Variants in KIF1A observed in about 807,000 individuals in gnomAD.
The protein encoded by KIF1A is kinesin family member 1A.
A neutral mutation model predicts 227.3 loss-of-function variants in KIF1A; 46 were observed. That is an observed-to-expected ratio of 0.20 (90% CI 0.16 to 0.26). The LOEUF (loss-of-function observed/expected upper bound fraction) is 0.26, where lower values mean the gene tolerates loss of function less well. Ranked by LOEUF, KIF1A falls within the 10% of genes least tolerant of loss-of-function variation. KIF1A has a pLI of 1.00. For missense variants in KIF1A, 1,683 were observed against 2,485.9 expected (o/e 0.68, Z 6.87); for synonymous variants, 1,022 against 1,012.8 (o/e 1.01, Z -0.17).
At chr2:240,723,047 A>G (rs1442236486) in intron 42 of KIF1A, among the ~76,000 whole-genome samples, 5 of 151,944 alleles carry the variant, frequency 3.3e-5, no homozygotes, top group Non-Finnish European at 7.4e-5. Flanking sequence ...TCACACACAC[A>G]CTCGGCCCGA....
At chr2:240,768,138 C>A (rs2051440642) in intron 17 of KIF1A, among the ~76,000 whole-genome samples, 1 of 152,316 alleles carries the variant, frequency 6.6e-6, no homozygotes, top group East Asian at 1.9e-4. Flanking sequence ...AGAAGGGGGT[C>A]CCCAGTGGTC....
At chr2:240,746,802 G>C (rs966862229) in intron 29 of KIF1A, among the ~76,000 whole-genome samples, 1 of 152,248 alleles carries the variant, frequency 6.6e-6, no homozygotes, top group Non-Finnish European at 1.5e-5. Flanking sequence ...CTTCACATGA[G>C]GACCGCAGGT....
chr2:240,786,010 G>T (rs1165424665), intron 6 of KIF1A, among the ~76,000 whole-genome samples: 4 of 152,088 alleles, frequency 2.6e-5, no homozygotes, highest in Non-Finnish European at 4.4e-5. Flanking sequence ...CACAGAATGT[G>T]GACCCCTGGG....
chr2:240,792,779 C>T lies in KIF1A; in HGVS notation c.107-3467G>A, dbSNP rs1245640250. 3.9e-5 allele frequency among the ~76,000 whole-genome samples: 6 copies of T among 152,098 alleles called. No individual in the cohort carries two copies. The highest frequency in any genetic ancestry group is 2.1e-4 in the South Asian group (1 of 4,816). Reference sequence around the variant, plus strand: ...AAGTGATGAGGATGAGACGAAGCCACGAAGTCAGGGACCTCATGGTGGGAT... The same window carrying T: ...AAGTGATGAGGATGAGACGAAGCCATGAAGTCAGGGACCTCATGGTGGGAT... On this transcript the variant is annotated intron_variant, in intron 2 of 48. Coordinates refer to ENST00000498729, the MANE Select transcript of KIF1A (RefSeq NM_001244008.2). This position sits in a 1 kb window ranked among gnomAD's most constrained non-coding sequence, Gnocchi z 4.5.
At chr2:240,755,494 G>C (rs2049742519) in intron 27 of KIF1A, among the ~76,000 whole-genome samples, 1 of 152,218 alleles carries the variant, frequency 6.6e-6, no homozygotes, top group Non-Finnish European at 1.5e-5. Context: ...GCAGCTACCA[G>C]AAGGTTAAAG....
intron 1 of KIF1A, among the ~76,000 whole-genome samples, chr2:240,814,466 C>T (rs73104634): frequency 0.046 from 6,963 of 152,040 alleles, 496 homozygotes; most frequent in African/African-American, 0.16. Flanking sequence ...GACTCATGCA[C>T]CCTTTCAAGG....
rs1175434874 is a variant in KIF1A, at chr2:240,736,660, A to C, written c.4007+403T>G. On this transcript the variant is annotated intron_variant, in intron 38 of 48. Transcript: ENST00000498729. The surrounding 1 kb of genome is among the most constrained non-coding windows in gnomAD (Gnocchi z 4.7). ...AGCAGTGCCTATGGGCGCCCACCCCAGCTGCTCCACCTCTAGCCCCAGGAT... is the reference window on the plus strand; with the variant it reads ...AGCAGTGCCTATGGGCGCCCACCCCCGCTGCTCCACCTCTAGCCCCAGGAT... 2.0e-5 allele frequency among the ~76,000 whole-genome samples: 3 copies of C among 152,150 alleles called. No individual in the cohort carries two copies. The highest frequency in any genetic ancestry group is 4.4e-5 in the Non-Finnish European group (3 of 68,026).
intron 14 of KIF1A, chr2:240,771,358 C>T: frequency 1.8e-6 from 1 of 566,092 alleles, no homozygotes; most frequent in East Asian, 3.1e-5. Flanking sequence ...CCACCCCTTG[C>T]CTACGATGGG....
At chr2:240,756,664 A>C (rs1482167331) in intron 27 of KIF1A, among the ~76,000 whole-genome samples, 2 of 152,262 alleles carry the variant, frequency 1.3e-5, no homozygotes, top group African/African-American at 2.4e-5. Flanking sequence ...TGTTTTGCCC[A>C]GGCCCCATCA....
At chr2:240,724,887 C>G (rs904978382) in intron 40 of KIF1A, 26 of 203,712 alleles carry the variant, frequency 1.3e-4, no homozygotes, top group Non-Finnish European at 2.2e-4. Flanking sequence ...GGCAGTCAGT[C>G]CCATGGCACA....
intron 45 of KIF1A, 117 bp from the exon 46 acceptor site, chr2:240,720,043 G>T: frequency 9.7e-7 from 1 of 1,034,306 alleles, no homozygotes; most frequent in Non-Finnish European, 1.3e-6. Context: ...ACCTTCGCAG[G>T]GTCTCTCCAG....
chr2:240,752,432 G>A lies in KIF1A; in HGVS notation c.2859-1885C>T, dbSNP rs996480033. Among the ~76,000 whole-genome samples, 4 of 152,120 alleles carry A rather than the reference G, an allele frequency of 2.6e-5. No individual in the cohort carries two copies. The highest frequency in any genetic ancestry group is 5.9e-5 in the Non-Finnish European group (4 of 68,014). On this transcript the variant is annotated intron_variant, in intron 27 of 48. Coordinates refer to ENST00000498729, the MANE Select transcript of KIF1A (RefSeq NM_001244008.2). This position sits in a 1 kb window ranked among gnomAD's most constrained non-coding sequence, Gnocchi z 6.4. ...GGACTCACCAGCATCCCCTTGGGAG[G>A]GGGACGGCAATGCCTTCCCTCCCCA...
rs1373148445 is a variant in KIF1A, at chr2:240,789,488, C to T, written c.107-176G>A. On this transcript the variant is annotated intron_variant, in intron 2 of 48. Transcript: ENST00000498729. The surrounding 1 kb of genome is among the most constrained non-coding windows in gnomAD (Gnocchi z 4.8). The stretch of plus-strand genomic sequence containing the variant: ...CCAGGCAGATGAGCTGTCTCTGCCC[C>T]CTCCTTATGGTGGACGCTGCCACCC... Among the ~76,000 whole-genome samples, 1 of 152,208 alleles carries T rather than the reference C, an allele frequency of 6.6e-6. No individual in the cohort carries two copies. The highest frequency in any genetic ancestry group is 6.5e-5 in the Admixed American group (1 of 15,278).
rs2052663950 is a variant in KIF1A at position 240,775,911 on chromosome 2, T to C, written c.898A>G (p.Lys300Glu). 1.2e-6 allele frequency: 2 copies of C among 1,610,244 alleles called. No homozygotes were observed. The highest frequency in any genetic ancestry group is 1.3e-5 in the African/African-American group (1 of 74,818). ...TCTCGGTACGGAATGAAATCTGTCT[T>C]CTTCTTTTTCTTGTTCTGTGGGGGA... is the stretch of plus-strand genomic sequence containing the variant. ...SGPNKNKKKK[K>E]TDFIPYRDSV... The change falls in exon 11 of 49, where the codon AAG becomes GAG. Residue 300 changes from lysine (K) to glutamate (E), a missense_variant. By Grantham distance (56) the Lys-to-Glu change is moderately conservative. Around this residue, in one of 12 missense-constraint regions of KIF1A, gnomAD observed 15 missense variants for 16.1 expected, o/e 0.93. Transcript: ENST00000498729. The surrounding 1 kb of genome is among the most constrained non-coding windows in gnomAD (Gnocchi z 5.5).
At position 240,785,015 on chromosome 2, in the gene KIF1A, C is replaced by T. The variant is rs1358119741; in HGVS notation, c.694G>A (p.Ala232Thr). ...NIIFTQKRHD[A>T]ETNITTEKVS... ...TTCTCCGTGGTGATATTGGTCTCTG[C>T]GTCATGGCGCTTCTGGGTGAAGATG... Residue 232 changes from alanine to threonine, a missense_variant, in exon 7 of 49, where the codon GCA becomes ACA. Ala to Thr is a moderately conservative substitution (Grantham distance 58). This residue lies in a region of KIF1A where 21 missense variants were observed against 35.2 expected (regional missense o/e 0.60). Coordinates refer to ENST00000498729, the MANE Select transcript of KIF1A (RefSeq NM_001244008.2). 38 of 1,613,418 alleles carry T rather than the reference C, an allele frequency of 2.4e-5. No individual in the cohort carries two copies. The highest frequency in any genetic ancestry group is 2.7e-5 in the African/African-American group (2 of 74,932).
At chr2:240,770,757 G>A (rs2051848791) in intron 15 of KIF1A, among the ~76,000 whole-genome samples, 1 of 152,186 alleles carries the variant, frequency 6.6e-6, no homozygotes. Context: ...ACAGCCTGGG[G>A]ACCCCCAAGT....
intron 31 of KIF1A, 73 bp from the exon 32 acceptor site, chr2:240,745,590 T>G (rs2048498528): frequency 8.1e-6 from 12 of 1,485,404 alleles, no homozygotes; most frequent in Non-Finnish European, 1.1e-5. Flanking sequence ...GGAACCCACC[T>G]CACACGAGGG....
intron 1 of KIF1A, among the ~76,000 whole-genome samples, chr2:240,807,151 T>TAC (rs1553641884): frequency 2.9e-4 from 40 of 136,236 alleles, no homozygotes; most frequent in East Asian, 4.3e-4. Flanking sequence ...TATATATATA[T>TAC]ACACAGAGAG....
chr2:240,720,818 G>A (rs1173128842), intron 45 of KIF1A, 96 bp downstream of exon 45: 3 of 1,405,686 alleles, frequency 2.1e-6, no homozygotes, highest in East Asian at 2.6e-5. Flanking sequence ...GGCCATTGGG[G>A]CCCCCTGTTC....
Sources: gnomAD v4.1 joint callset for allele counts (sites outside exome capture counted in the v4.1 genomes callset) on GRCh38, gnomAD v4.1.1 for gene constraint, gnomAD v4.1.1 regional missense constraint, Gnocchi (gnomAD v3.1) non-coding constraint, MANE v1.5 for transcripts, NCBI Gene and HGNC (gene_info 2026-07-23, HGNC 2026-07-21) for gene names.